The following WNT7B variants were observed in gnomAD, a reference collection of about 807,000 sequenced individuals.
WNT7B encodes the protein protein Wnt-7b.
Under a neutral mutation model 38.2 loss-of-function variants are expected in WNT7B, and 19 were observed. The observed-to-expected ratio is 0.50, with a 90% confidence interval of 0.35 to 0.73. WNT7B has a LOEUF of 0.73. Ranked by LOEUF, WNT7B falls within the 30% of genes least tolerant of loss-of-function variation. The probability of loss-of-function intolerance (pLI) is 0.01; values close to 1 mark genes in which losing one functional copy is unlikely to be tolerated. For missense variants in WNT7B, 423 were observed against 507.9 expected (o/e 0.83, Z 1.61); for synonymous variants, 243 against 209.3 (o/e 1.16, Z -1.39).
chr22:45,946,639 C>A (rs1051640822), intron 2 of WNT7B, among the ~76,000 whole-genome samples: 3 of 152,180 alleles, frequency 2.0e-5, no homozygotes, highest in Admixed American at 6.5e-5. Context: ...GGGACCACAG[C>A]AGTGGAGGGG....
chr22:45,930,137 A>G (rs59349148), intron 3 of WNT7B, among the ~76,000 whole-genome samples: 56,166 of 152,102 alleles, frequency 0.37, 10,484 homozygotes, highest in Admixed American at 0.41. Context: ...TACACAACCA[A>G]GCCCTCACCG....
At chr22:45,929,812 C>CATCCACT (rs1931261847) in intron 3 of WNT7B, among the ~76,000 whole-genome samples, 55 of 92,754 alleles carry the variant, frequency 5.9e-4, no homozygotes, top group African/African-American at 2.0e-3. Context: ...ATCTACCCAT[C>CATCCACT]CATCTATCTT....
At chr22:45,941,780 G>A (rs976026373) in intron 2 of WNT7B, among the ~76,000 whole-genome samples, 21 of 152,348 alleles carry the variant, frequency 1.4e-4, no homozygotes, top group Admixed American at 3.3e-4. Flanking sequence ...CTTGTGCTCC[G>A]TGACCCTGGC....
intron 1 of WNT7B, among the ~76,000 whole-genome samples, chr22:45,956,890 G>A (rs1932076205): frequency 1.3e-5 from 2 of 151,998 alleles, no homozygotes; most frequent in African/African-American, 2.4e-5. Context: ...GGTGGATCAT[G>A]AAGTCAGGAG....
intron 1 of WNT7B, among the ~76,000 whole-genome samples, chr22:45,955,381 G>C (rs2146738043): frequency 6.6e-6 from 1 of 152,364 alleles, no homozygotes; most frequent in Non-Finnish European, 1.5e-5. Context: ...CAGTGATTTA[G>C]AGGAGGCCAG....
chr22:45,951,758 C>T lies in WNT7B; in HGVS notation c.72-1612G>A, dbSNP rs1706987251. On this transcript the variant is annotated intron_variant, in intron 1 of 3. Coordinates refer to ENST00000339464, the MANE Select transcript of WNT7B (RefSeq NM_058238.3). The surrounding 1 kb of genome is among the most constrained non-coding windows in gnomAD (Gnocchi z 4.8). ...GCTGAGTGATATTCCATTGTGTGGA[C>T]AGACCATATTTTGTGTATCCATTCA... Among the ~76,000 whole-genome samples, 1 of 152,222 alleles carries T rather than the reference C, an allele frequency of 6.6e-6. No homozygotes were observed.
chr22:45,931,074 CCACCAGCCGCACCCG>C lies in WNT7B; in HGVS notation c.570+9_570+23del, dbSNP rs775862122. Reference sequence around the variant, plus strand: ...GATACAGCGGTCCCAGCTACGGCCCCCACCAGCCGCACCCGCACCCTACCTTCCTGCCGGCCTCAT... The same window carrying C: ...GATACAGCGGTCCCAGCTACGGCCCCCACCCTACCTTCCTGCCGGCCTCAT... On this transcript the variant is annotated intron_variant, in intron 3 of 3. Coordinates refer to ENST00000339464, the MANE Select transcript of WNT7B (RefSeq NM_058238.3). The C allele has an allele frequency of 6.5e-7, 1 of 1,547,154 alleles. No homozygotes were observed. The highest frequency in any genetic ancestry group is 8.7e-7 in the Non-Finnish European group (1 of 1,148,206).
chr22:45,941,466 G>A (rs1303598083), intron 2 of WNT7B, among the ~76,000 whole-genome samples: 2 of 150,352 alleles, frequency 1.3e-5, no homozygotes, highest in African/African-American at 4.9e-5. Context: ...AGCTGAGATC[G>A]CGTCAGTGCA....
intron 3 of WNT7B, among the ~76,000 whole-genome samples, chr22:45,929,311 C>T (rs1405763254): frequency 6.6e-6 from 1 of 152,070 alleles, no homozygotes; most frequent in African/African-American, 2.4e-5. Flanking sequence ...CACATGCTGT[C>T]TGTGAGTTCC....
intron 2 of WNT7B, among the ~76,000 whole-genome samples, chr22:45,943,849 A>G (rs1321729290): frequency 6.6e-6 from 1 of 152,202 alleles, no homozygotes; most frequent in East Asian, 1.9e-4. Flanking sequence ...GGGCTGAGTA[A>G]TGGCTGAGGG....
chr22:45,925,532 G>A (rs1931056363), intron 3 of WNT7B: 2 of 985,128 alleles, frequency 2.0e-6, no homozygotes, highest in Admixed American at 6.2e-5. Flanking sequence ...CTGCGTGTCT[G>A]GGCGACCCCC....
Position 45,921,723 on chromosome 22 carries a change from G to A in WNT7B, c.*1133C>T, listed in dbSNP as rs1015646163. On this transcript the variant is annotated 3_prime_UTR_variant, in exon 4 of 4. Coordinates refer to ENST00000339464, the MANE Select transcript of WNT7B (RefSeq NM_058238.3). ...TGAGGGAGGGAACGAAGGACTCCTGGAACCTGACGTGGGTGATATTTTGAT... is the reference window on the plus strand; with the variant it reads ...TGAGGGAGGGAACGAAGGACTCCTGAAACCTGACGTGGGTGATATTTTGAT... 1 of 152,224 alleles carries A rather than the reference G, an allele frequency of 6.6e-6. No individual in the cohort carries two copies. Among genetic ancestry groups the A allele is most frequent in the African/African-American group, 2.4e-5 (1 of 41,428 alleles). The allele number at this position is 152,224 out of a possible 1,614,324, so 9.4% of individuals were successfully genotyped here.
At position 45,974,371 on chromosome 22, in the gene WNT7B, C is replaced by T. The variant is rs377034268; in HGVS notation, c.71+2313G>A. ...AGGTCATTTAACCCCTGACGACACA[C>T]CTGGGCCCAGCTTCCCCCTTCTACC... On this transcript the variant is annotated intron_variant, in intron 1 of 3. Coordinates refer to ENST00000339464, the MANE Select transcript of WNT7B (RefSeq NM_058238.3). Among the ~76,000 whole-genome samples, 190 of 152,338 alleles carry T rather than the reference C, an allele frequency of 1.2e-3. 1 individual carries two copies. The highest frequency in any genetic ancestry group is 4.4e-3 in the African/African-American group (183 of 41,576).
Position 45,976,768 on chromosome 22 carries a change from G to C in WNT7B, c.-14C>G, listed in dbSNP as rs1248411172. 2 of 1,603,080 alleles carry C rather than the reference G, an allele frequency of 1.2e-6. No individual in the cohort carries two copies. Among genetic ancestry groups the C allele is most frequent in the East Asian group, 2.3e-5 (1 of 44,324 alleles). On this transcript the variant is annotated 5_prime_UTR_variant, in exon 1 of 4. Transcript: ENST00000339464. This position sits in a 1 kb window ranked among gnomAD's most constrained non-coding sequence, Gnocchi z 8.5. ...GTTTCTGTGCATGATCCAGGGAGGG[G>C]GGCTGCGCCATAGACAGCGGCGGCC...
intron 2 of WNT7B, 90 bp from the exon 3 acceptor site, chr22:45,931,459 C>T: frequency 7.1e-7 from 1 of 1,409,424 alleles, no homozygotes; most frequent in Middle Eastern, 2.6e-4. Flanking sequence ...GATCCACCTG[C>T]TGTTGGCTGG....
At chr22:45,949,464 T>C (rs1931877566) in intron 2 of WNT7B, among the ~76,000 whole-genome samples, 1 of 152,172 alleles carries the variant, frequency 6.6e-6, no homozygotes, top group African/African-American at 2.4e-5. Context: ...CAGCACTTCC[T>C]GTGCCCCAAC....
intron 2 of WNT7B, among the ~76,000 whole-genome samples, chr22:45,934,059 C>G (rs1464382553): frequency 2.0e-5 from 3 of 152,262 alleles, no homozygotes. Context: ...ACACCCAGCC[C>G]TCACATGCGC....
At chr22:45,924,475 T>C (rs1384105125) in intron 3 of WNT7B, among the ~76,000 whole-genome samples, 1 of 152,240 alleles carries the variant, frequency 6.6e-6, no homozygotes, top group African/African-American at 2.4e-5. Flanking sequence ...AGCCTAATCC[T>C]GCTGCAGTGA....
chr22:45,957,703 A>AAAAAAAAAAAAAAAAC (rs1569122268), intron 1 of WNT7B, among the ~76,000 whole-genome samples: 1 of 146,102 alleles, frequency 6.8e-6, no homozygotes, highest in African/African-American at 2.6e-5. Flanking sequence ...AAAAAAAAAA[A>AAAAAAAAAAAAAAAAC]AAAAAAAAAC....
Sources: allele counts gnomAD v4.1 joint callset (sites outside exome capture counted in the v4.1 genomes callset), GRCh38; gene constraint gnomAD v4.1.1; non-coding constraint Gnocchi (gnomAD v3.1); transcripts MANE v1.5; gene names NCBI Gene and HGNC (gene_info 2026-07-23, HGNC 2026-07-21).